Variants in BTBD7 observed in about 807,000 individuals in gnomAD.
The protein encoded by BTBD7 is BTB domain containing 7.
A neutral mutation model predicts 99.9 loss-of-function variants in BTBD7; 38 were observed. The observed-to-expected ratio is 0.38, with a 90% confidence interval of 0.29 to 0.50. The LOEUF is 0.50. BTBD7 is among the 20% of genes least tolerant of loss of function. The pLI is 0.93. For missense variants in BTBD7, 1,170 were observed against 1,394.6 expected (o/e 0.84, Z 2.57); for synonymous variants, 520 against 511.4 (o/e 1.02, Z -0.23).
chr14:93,298,570 T>C (rs571558310), intron 1 of BTBD7, among the ~76,000 whole-genome samples: 1 of 152,256 alleles, frequency 6.6e-6, no homozygotes, highest in East Asian at 1.9e-4. Flanking sequence ...TAGACACAAA[T>C]ATTACAAAAT....
chr14:93,250,935 AT>A (rs1469614809), intron 8 of BTBD7, among the ~76,000 whole-genome samples: 7 of 152,210 alleles, frequency 4.6e-5, no homozygotes, highest in African/African-American at 1.7e-4. Flanking sequence ...ATGATAGTGC[AT>A]TTGACCCTCC....
chr14:93,310,524 T>C (rs1463035776), intron 1 of BTBD7, among the ~76,000 whole-genome samples: 1 of 152,184 alleles, frequency 6.6e-6, no homozygotes, highest in Non-Finnish European at 1.5e-5. Flanking sequence ...CTGACTCTTG[T>C]ATTTACAGTA....
At chr14:93,278,071 G>A (rs1325662604) in intron 3 of BTBD7, among the ~76,000 whole-genome samples, 2 of 152,192 alleles carry the variant, frequency 1.3e-5, no homozygotes, top group African/African-American at 4.8e-5. Flanking sequence ...ATGGAATTAA[G>A]AATATCATTG....
In BTBD7 at chr14:93,289,023, TC is replaced by T. The variant is rs1232166738; in HGVS notation, c.1162+4834del. Among the ~76,000 whole-genome samples, 13 of 152,048 alleles carry T rather than the reference TC, an allele frequency of 8.5e-5. 1 individual carries two copies. The highest frequency in any genetic ancestry group is 2.9e-4 in the African/African-American group (12 of 41,466). On this transcript the variant is annotated intron_variant, in intron 3 of 10. Transcript: ENST00000334746. ...AGAAAATTCAGAAAATTTTAGAAAA[TC>T]TCAGGTCTCCTGTGTTTTGTTGTGG... is the stretch of plus-strand genomic sequence containing the variant.
In BTBD7 at chr14:93,239,606, T is replaced by TC. The variant is rs1237490741; in HGVS notation, c.*2666_*2667insG. 1 of 152,552 alleles carries TC rather than the reference T, an allele frequency of 6.6e-6. No homozygotes were observed. Among genetic ancestry groups the TC allele is most frequent in the Non-Finnish European group, 1.5e-5 (1 of 68,032 alleles). The allele number at this position is 152,552 out of a possible 1,614,324, so 9.4% of individuals were successfully genotyped here. A position where few individuals can be genotyped will look rare whatever the true frequency, so the allele number is the denominator to read the frequency against. On this transcript the variant is annotated 3_prime_UTR_variant, in exon 11 of 11. Transcript: ENST00000334746. The stretch of plus-strand genomic sequence containing the variant: ...TTCACAAGATACATTAAAAGTCCAC[T>TC]AACACCTAACCTAACGCACACAAAA...
intron 4 of BTBD7, among the ~76,000 whole-genome samples, chr14:93,262,782 GTTT>G (rs11288675): frequency 7.2e-6 from 1 of 139,610 alleles, no homozygotes; most frequent in African/African-American, 2.5e-5. Context: ...GCTGCTCTCT[GTTT>G]TTTTTTTTTT....
intron 1 of BTBD7, among the ~76,000 whole-genome samples, chr14:93,330,439 A>G (rs11160114): frequency 0.39 from 58,604 of 151,946 alleles, 12,518 homozygotes; most frequent in African/African-American, 0.58. Flanking sequence ...GCCAGCTCAA[A>G]TCCGAAGTTT....
intron 1 of BTBD7, among the ~76,000 whole-genome samples, chr14:93,311,766 T>C (rs1037699905): frequency 6.6e-6 from 1 of 151,706 alleles, no homozygotes; most frequent in Admixed American, 6.6e-5. Context: ...TTTTTACAAT[T>C]CTTTTTATCT....
At chr14:93,257,394 A>G (rs1382989149) in intron 5 of BTBD7, 39 bp from the exon 6 acceptor site, 2 of 1,568,816 alleles carry the variant, frequency 1.3e-6, no homozygotes, top group African/African-American at 1.4e-5. Context: ...ACCAAATCCA[A>G]ATGTTCTGAG....
chr14:93,305,341 T>C (rs1222162752), intron 1 of BTBD7, among the ~76,000 whole-genome samples: 1 of 152,202 alleles, frequency 6.6e-6, no homozygotes, highest in African/African-American at 2.4e-5. Flanking sequence ...AAGTTTCTTC[T>C]GAAGTCTACA....
rs1436619941 is a variant in BTBD7 at position 93,246,187 on chromosome 14, C to T, written c.2221G>A (p.Ala741Thr). Reference protein sequence around the residue: ...GRCRVNSTPPAETMFTDLDSF... With the variant: ...GRCRVNSTPPTETMFTDLDSF... ...TCCAGATCTGTAAACATGGTTTCTG[C>T]AGGAGGTGTACTGTTTACGCGACAT... The change falls in exon 10 of 11, where the codon GCA becomes ACA. Residue 741 changes from alanine (A) to threonine (T), a missense_variant. Physicochemically the swap from Ala to Thr is moderately conservative, Grantham distance 58. Around this residue, in one of 4 missense-constraint regions of BTBD7, gnomAD observed 495 missense variants for 525.9 expected, o/e 0.94. Transcript: ENST00000334746. 1.2e-6 allele frequency: 2 copies of T among 1,612,990 alleles called. No homozygotes were observed. Among genetic ancestry groups the T allele is most frequent in the East Asian group, 2.2e-5 (1 of 44,894 alleles).
chr14:93,298,844 T>C (rs1218553559), intron 1 of BTBD7, among the ~76,000 whole-genome samples: 21 of 152,168 alleles, frequency 1.4e-4, no homozygotes, highest in Admixed American at 1.4e-3. Flanking sequence ...CAAGAACAAG[T>C]TGCAAACACT....
At chr14:93,328,277 A>G (rs926677334) in intron 1 of BTBD7, among the ~76,000 whole-genome samples, 2 of 152,198 alleles carry the variant, frequency 1.3e-5, no homozygotes, top group Admixed American at 1.3e-4. Context: ...TAAAATTCAT[A>G]TGGCATCTCA....
At chr14:93,321,564 G>A (rs1234404324) in intron 1 of BTBD7, among the ~76,000 whole-genome samples, 1 of 152,192 alleles carries the variant, frequency 6.6e-6, no homozygotes, top group Non-Finnish European at 1.5e-5. Flanking sequence ...TGGCACTCCA[G>A]CCTGGGCTAC....
chr14:93,332,250 C>T (rs1040496043), intron 1 of BTBD7: 3 of 152,314 alleles, frequency 2.0e-5, no homozygotes, highest in African/African-American at 7.2e-5. Context: ...GGTATTGTCT[C>T]CCTCCCAACC....
chr14:93,307,886 A>G, intron 1 of BTBD7, among the ~76,000 whole-genome samples: 1 of 152,374 alleles, frequency 6.6e-6, no homozygotes, highest in Non-Finnish European at 1.5e-5. Flanking sequence ...GTTTTAAAAA[A>G]TAAACATTTA....
In BTBD7 at chr14:93,269,040, T is replaced by G. The variant is rs137993180; in HGVS notation, c.1163-5047A>C. ...ACCCAAAGTGCTAGGATTACAGGTG[T>G]AAGCCACTGCACCCAGCTCTAACTT... is the stretch of plus-strand genomic sequence containing the variant. On this transcript the variant is annotated intron_variant, in intron 3 of 10. Coordinates refer to ENST00000334746, the MANE Select transcript of BTBD7 (RefSeq NM_001002860.4). Among the ~76,000 whole-genome samples the G allele has an allele frequency of 1.3e-3, 201 of 152,284 alleles. 2 individuals carry two copies. The highest frequency in any genetic ancestry group is 4.4e-3 in the African/African-American group (181 of 41,560).
intron 3 of BTBD7, among the ~76,000 whole-genome samples, chr14:93,277,739 G>C (rs17128981): frequency 0.38 from 58,388 of 151,984 alleles, 12,394 homozygotes; most frequent in African/African-American, 0.58. Flanking sequence ...ATAAGCGTAC[G>C]CACTGTACTG....
intron 1 of BTBD7, among the ~76,000 whole-genome samples, chr14:93,326,802 TAA>T (rs71462002): frequency 9.9e-4 from 144 of 146,018 alleles, no homozygotes; most frequent in Middle Eastern, 3.5e-3. Context: ...AAACTCTGTC[TAA>T]AAAAAAAAAA....
Sources: gnomAD v4.1 joint callset for allele counts (sites outside exome capture counted in the v4.1 genomes callset) on GRCh38, gnomAD v4.1.1 for gene constraint, gnomAD v4.1.1 regional missense constraint, MANE v1.5 for transcripts, NCBI Gene and HGNC (gene_info 2026-07-23, HGNC 2026-07-21) for gene names.